Variants in FHOD3 observed in about 807,000 individuals in gnomAD.
The protein encoded by FHOD3 is formin homology 2 domain containing 3.
In FHOD3, 90 loss-of-function variants were observed where a neutral mutation model predicts 173.0. The ratio of observed to expected loss-of-function variants is 0.52; its 90% CI spans 0.44 to 0.62. The LOEUF (loss-of-function observed/expected upper bound fraction) is 0.62. Ranked by LOEUF, FHOD3 falls within the 20% of genes least tolerant of loss-of-function variation. The pLI is 0.00. For synonymous variants in FHOD3, 828 were observed against 823.0 expected (o/e 1.01, Z -0.10); for missense variants, 1,945 against 2,034.7 (o/e 0.96, Z 0.85).
intron 10 of FHOD3, among the ~76,000 whole-genome samples, chr18:36,648,606 G>A (rs1600077282): frequency 6.6e-6 from 1 of 152,104 alleles, no homozygotes; most frequent in African/African-American, 2.4e-5. Flanking sequence ...TTTTCTCCCA[G>A]TTTCAACTAT....
intron 6 of FHOD3, among the ~76,000 whole-genome samples, chr18:36,580,121 A>G: frequency 6.6e-6 from 1 of 152,222 alleles, no homozygotes; most frequent in South Asian, 2.1e-4. Flanking sequence ...AAATTATAAA[A>G]TTAAAAAGTT....
intron 16 of FHOD3, among the ~76,000 whole-genome samples, chr18:36,691,146 C>T (rs2038939298): frequency 6.6e-6 from 1 of 152,152 alleles, no homozygotes; most frequent in African/African-American, 2.4e-5. Flanking sequence ...AAATTCCTGC[C>T]CACCTGGCTG....
chr18:36,678,244 T>C (rs906645619), intron 14 of FHOD3, among the ~76,000 whole-genome samples: 12 of 152,050 alleles, frequency 7.9e-5, no homozygotes, highest in Admixed American at 4.6e-4. Context: ...TATTTCAGCA[T>C]TAAGAATGAT....
chr18:36,406,826 ACT>A (rs1223143672), intron 3 of FHOD3, among the ~76,000 whole-genome samples: 1 of 151,954 alleles, frequency 6.6e-6, no homozygotes, highest in African/African-American at 2.4e-5. Context: ...CCACTAGGGT[ACT>A]CTCTGTGTGT....
intron 3 of FHOD3, among the ~76,000 whole-genome samples, chr18:36,431,343 T>C (rs573355968): frequency 6.6e-6 from 1 of 152,300 alleles, no homozygotes; most frequent in South Asian, 2.1e-4. Flanking sequence ...TTGGAAGGTG[T>C]CCTGGAAAGG....
chr18:36,754,674 C>T (rs10153359), intron 24 of FHOD3, among the ~76,000 whole-genome samples: 7,258 of 152,034 alleles, frequency 0.048, 591 homozygotes, highest in African/African-American at 0.17. Context: ...TTCTAAGCAA[C>T]ATTTCTTTAT....
chr18:36,393,310 TC>T (rs1484019180), intron 3 of FHOD3, among the ~76,000 whole-genome samples: 1 of 152,224 alleles, frequency 6.6e-6, no homozygotes, highest in African/African-American at 2.4e-5. Flanking sequence ...ACTTTCTCTT[TC>T]CTTGTATTGT....
chr18:36,675,172 T>C (rs1366309784), intron 14 of FHOD3, among the ~76,000 whole-genome samples: 1 of 152,042 alleles, frequency 6.6e-6, no homozygotes, highest in African/African-American at 2.4e-5. Context: ...CCACCCTCCA[T>C]GGCCACCTCC....
intron 3 of FHOD3, among the ~76,000 whole-genome samples, chr18:36,476,635 C>CA (rs2053590280): frequency 6.6e-6 from 1 of 152,172 alleles, no homozygotes; most frequent in Non-Finnish European, 1.5e-5. Context: ...TCCTCACGAT[C>CA]AAAGGCAGTA....
intron 1 of FHOD3, among the ~76,000 whole-genome samples, chr18:36,315,083 A>T (rs2044053078): frequency 6.6e-6 from 1 of 151,754 alleles, no homozygotes; most frequent in South Asian, 2.1e-4. Context: ...CCAGGAACTG[A>T]TAGGCCATGA....
chr18:36,433,061 A>G (rs775149787), intron 3 of FHOD3, among the ~76,000 whole-genome samples: 21 of 152,142 alleles, frequency 1.4e-4, no homozygotes, highest in Non-Finnish European at 2.5e-4. Context: ...AGTCTCTCTT[A>G]ATGGGCTCCC....
At chr18:36,708,094 T>C (rs1026915186) in intron 17 of FHOD3, among the ~76,000 whole-genome samples, 3 of 152,106 alleles carry the variant, frequency 2.0e-5, no homozygotes, top group Non-Finnish European at 4.4e-5. Flanking sequence ...AATAAAAAAA[T>C]TTTAAAAAAG....
chr18:36,482,843 ACACT>A (rs1308890587), intron 3 of FHOD3, among the ~76,000 whole-genome samples: 280 of 80,406 alleles, frequency 3.5e-3, no homozygotes, highest in African/African-American at 0.012. Context: ...ACACACACAC[ACACT>A]CACACACACA....
At chr18:36,710,966 G>C (rs558284882) in intron 18 of FHOD3, 1 of 152,266 alleles carries the variant, frequency 6.6e-6, no homozygotes, top group East Asian at 1.9e-4. Context: ...AATATACCAG[G>C]CGACAGGGCT....
chr18:36,750,816 G>A (rs536471055), intron 24 of FHOD3, among the ~76,000 whole-genome samples: 2 of 152,230 alleles, frequency 1.3e-5, no homozygotes, highest in East Asian at 3.9e-4. Context: ...TTATTTCTGG[G>A]CTTTCTATTC....
At chr18:36,447,576 C>A (rs550366623) in intron 3 of FHOD3, among the ~76,000 whole-genome samples, 1 of 152,304 alleles carries the variant, frequency 6.6e-6, no homozygotes, top group South Asian at 2.1e-4. Context: ...CCATGGGTTT[C>A]TCTTCACCTT....
intron 3 of FHOD3, among the ~76,000 whole-genome samples, chr18:36,484,928 C>T (rs1019602178): frequency 6.6e-6 from 1 of 152,170 alleles, no homozygotes; most frequent in Non-Finnish European, 1.5e-5. Context: ...CTGTGCCCCC[C>T]ACCCTCAGGG....
At chr18:36,302,153 A>G (rs954403051) in intron 1 of FHOD3, among the ~76,000 whole-genome samples, 3 of 152,182 alleles carry the variant, frequency 2.0e-5, no homozygotes, top group Non-Finnish European at 2.9e-5. Context: ...TTGTGTCCTG[A>G]ATGTTCTCCT....
intron 3 of FHOD3, among the ~76,000 whole-genome samples, chr18:36,494,095 G>A (rs2054610906): frequency 6.6e-6 from 1 of 151,630 alleles, no homozygotes; most frequent in Non-Finnish European, 1.5e-5. Context: ...TTTTCTCATT[G>A]GGCCCTTCTA....
Sources: allele counts gnomAD v4.1 joint callset (sites outside exome capture counted in the v4.1 genomes callset), GRCh38; gene constraint gnomAD v4.1.1; transcripts MANE v1.5; gene names NCBI Gene and HGNC (gene_info 2026-07-23, HGNC 2026-07-21).